Variants in JPH3 observed in about 807,000 individuals in gnomAD.
JPH3 encodes the protein junctophilin 3, also known as junctophilin-3.
Under a neutral mutation model 59.6 loss-of-function variants are expected in JPH3, and 11 were observed. The ratio of observed to expected loss-of-function variants is 0.18; its 90% CI spans 0.12 to 0.31. The LOEUF is 0.31. Among genes scored for constraint, JPH3 ranks in the 10% least tolerant of loss-of-function variants. The pLI, the probability that JPH3 is intolerant of heterozygous loss-of-function variation, is 1.00. For missense variants in JPH3, 1,202 were observed against 1,105.7 expected (o/e 1.09, Z -1.24); for synonymous variants, 673 against 483.6 (o/e 1.39, Z -5.14).
chr16:87,642,026 G>C (rs1597255226), intron 1 of JPH3, among the ~76,000 whole-genome samples: 1 of 152,198 alleles, frequency 6.6e-6, no homozygotes, highest in African/African-American at 2.4e-5. Context: ...TCGATTGGAG[G>C]GTGGGAGTGT....
At chr16:87,613,734 G>A (rs574858027) in intron 1 of JPH3, among the ~76,000 whole-genome samples, 4 of 152,260 alleles carry the variant, frequency 2.6e-5, no homozygotes, top group African/African-American at 9.6e-5. Context: ...GCAAAGCCAG[G>A]GAATTCCTTT....
chr16:87,662,400 C>T (rs1205718950), intron 2 of JPH3, among the ~76,000 whole-genome samples: 1 of 151,736 alleles, frequency 6.6e-6, no homozygotes. Flanking sequence ...TTCCCCTCTG[C>T]CTGACTTCAC....
At chr16:87,628,087 A>G (rs1182394344) in intron 1 of JPH3, among the ~76,000 whole-genome samples, 1 of 152,238 alleles carries the variant, frequency 6.6e-6, no homozygotes, top group African/African-American at 2.4e-5. Context: ...CACGCCCCAC[A>G]GAGGAGGGAG....
intron 2 of JPH3, among the ~76,000 whole-genome samples, chr16:87,679,105 G>A (rs993287596): frequency 6.6e-6 from 1 of 152,112 alleles, no homozygotes; most frequent in Non-Finnish European, 1.5e-5. Context: ...TGGGGCCCCC[G>A]TGTGCCCATC....
chr16:87,652,676 C>T (rs542152019), intron 2 of JPH3, among the ~76,000 whole-genome samples: 9 of 152,326 alleles, frequency 5.9e-5, no homozygotes, highest in East Asian at 1.9e-4. Context: ...CAGGCAGGTG[C>T]GGAGCTTACG....
In JPH3 at chr16:87,644,783, G is replaced by A. The variant is rs1459951431; in HGVS notation, c.908G>A (p.Ser303Asn). Residue 303 changes from serine (S) to asparagine (N), a missense_variant, in exon 2 of 5, where the codon AGC becomes AAC. Coordinates refer to ENST00000284262, the MANE Select transcript of JPH3 (RefSeq NM_020655.4). ...GACAAACGCTCCGGCTTCGGCGTGA[G>A]CCAGCGCTCGGACGGGCTCAAGTAC... ...KNDKRSGFGVSQRSDGLKYEG... is the reference protein window; with the variant it reads ...KNDKRSGFGVNQRSDGLKYEG... The A allele has an allele frequency of 2.5e-6, 4 of 1,613,138 alleles. No homozygotes were observed. The highest frequency in any genetic ancestry group is 3.4e-6 in the Non-Finnish European group (4 of 1,179,890).
intron 1 of JPH3, among the ~76,000 whole-genome samples, chr16:87,629,236 T>C (rs1196109804): frequency 6.6e-6 from 1 of 152,194 alleles, no homozygotes; most frequent in Non-Finnish European, 1.5e-5. Context: ...ACGCGGCAGC[T>C]GGGGTTCCTG....
At chr16:87,603,580 C>G (rs1328758774) in intron 1 of JPH3, 52 bp downstream of exon 1, 1 of 1,518,852 alleles carries the variant, frequency 6.6e-7, no homozygotes, top group African/African-American at 1.4e-5. Context: ...TGCTTCCGAT[C>G]GCGCCCCTTC....
intron 1 of JPH3, among the ~76,000 whole-genome samples, chr16:87,609,335 T>C (rs1188001436): frequency 6.6e-6 from 1 of 152,194 alleles, no homozygotes; most frequent in East Asian, 1.9e-4. Flanking sequence ...GGAGTGATCT[T>C]GGCTCATTGC....
chr16:87,666,944 A>T (rs2032882870), intron 2 of JPH3, among the ~76,000 whole-genome samples: 1 of 152,106 alleles, frequency 6.6e-6, no homozygotes, highest in African/African-American at 2.4e-5. Flanking sequence ...CCCCTCCATG[A>T]CCATATCAGC....
intron 1 of JPH3, among the ~76,000 whole-genome samples, chr16:87,619,300 G>A (rs1256244188): frequency 7.5e-6 from 1 of 133,490 alleles, no homozygotes; most frequent in Non-Finnish European, 1.6e-5. Flanking sequence ...GTGACAGAGC[G>A]AGACCCTGTC....
At chr16:87,694,152 A>AC (rs1344905819) in intron 4 of JPH3, 4 of 152,690 alleles carry the variant, frequency 2.6e-5, no homozygotes, top group South Asian at 2.1e-4. Context: ...GCAGAACTGG[A>AC]CCAGGAGGAG....
Position 87,684,413 on chromosome 16 carries a change from C to T in JPH3, c.1285+147C>T, listed in dbSNP as rs1268210588. 1.1e-5 allele frequency: 14 copies of T among 1,316,002 alleles called. No homozygotes were observed. The Admixed American group carries it at 1.2e-4, about 12-fold the overall frequency. The allele number at this position is 1,316,002 out of a possible 1,614,324, so 81.5% of individuals were successfully genotyped here. A position where few individuals can be genotyped will look rare whatever the true frequency, so the allele number is the denominator to read the frequency against. On this transcript the variant is annotated intron_variant, in intron 3 of 4. Transcript: ENST00000284262. ...TCCCCTGCCCGGTGTCTTCCTCTCCCGCCGAAGGTGCTTGTTTGTGCCAAG... is the reference window on the plus strand; with the variant it reads ...TCCCCTGCCCGGTGTCTTCCTCTCCTGCCGAAGGTGCTTGTTTGTGCCAAG...
intron 1 of JPH3, among the ~76,000 whole-genome samples, chr16:87,636,607 G>A (rs1052613289): frequency 2.6e-5 from 4 of 152,218 alleles, no homozygotes; most frequent in Admixed American, 6.5e-5. Flanking sequence ...GTCAGGCTAC[G>A]CAGGCAGTCA....
chr16:87,616,497 A>G (rs1231571588), intron 1 of JPH3, among the ~76,000 whole-genome samples: 2 of 149,858 alleles, frequency 1.3e-5, no homozygotes, highest in African/African-American at 4.9e-5. Context: ...TGATCCGCCC[A>G]CCTCGGCCTT....
intron 1 of JPH3, among the ~76,000 whole-genome samples, chr16:87,634,609 A>G (rs1345991393): frequency 6.6e-6 from 1 of 152,184 alleles, no homozygotes; most frequent in African/African-American, 2.4e-5. Context: ...CCCCAGGCCC[A>G]GGCTGGTGGA....
At chr16:87,607,753 C>A (rs1231215245) in intron 1 of JPH3, among the ~76,000 whole-genome samples, 1 of 152,254 alleles carries the variant, frequency 6.6e-6, no homozygotes, top group African/African-American at 2.4e-5. Context: ...CAAGTAATTT[C>A]TTTTTCAAAT....
intron 2 of JPH3, among the ~76,000 whole-genome samples, chr16:87,670,815 G>A (rs1216385153): frequency 4.6e-5 from 7 of 152,204 alleles, no homozygotes; most frequent in Non-Finnish European, 1.0e-4. Context: ...TTCCTATGGT[G>A]TGGACGTGGT....
chr16:87,605,982 T>C (rs562151388), intron 1 of JPH3, among the ~76,000 whole-genome samples: 1 of 152,318 alleles, frequency 6.6e-6, no homozygotes, highest in African/African-American at 2.4e-5. Context: ...ACCCTTCTGG[T>C]CTTGAGGACT....
Sources: gnomAD v4.1 joint callset for allele counts (sites outside exome capture counted in the v4.1 genomes callset) on GRCh38, gnomAD v4.1.1 for gene constraint, MANE v1.5 for transcripts, NCBI Gene and HGNC (gene_info 2026-07-23, HGNC 2026-07-21) for gene names.